The following SRR variants were observed in gnomAD, a reference collection of about 807,000 sequenced individuals.
SRR encodes D-serine ammonia-lyase.
In SRR, 19 loss-of-function variants were observed where a neutral mutation model predicts 32.7. That is an observed-to-expected ratio of 0.58 (90% CI 0.40 to 0.85). SRR has a LOEUF of 0.85. Ranked by LOEUF, SRR falls within the 40% of genes least tolerant of loss-of-function variation. The pLI is 0.00. For synonymous variants in SRR, 142 were observed against 140.9 expected (o/e 1.01, Z -0.06); for missense variants, 373 against 404.7 (o/e 0.92, Z 0.67).
chr17:2,303,928 GT>G, upstream of SRR: 2 of 423,262 alleles, frequency 4.7e-6, no homozygotes, highest in East Asian at 4.4e-5. Context: ...GAGAGCCTGG[GT>G]GGGGCGGGCG....
At chr17:2,319,285 T>G (rs2075504470) in intron 4 of SRR, among the ~76,000 whole-genome samples, 1 of 152,224 alleles carries the variant, frequency 6.6e-6, no homozygotes, top group South Asian at 2.1e-4. Flanking sequence ...CTCATCTTAG[T>G]AAATGGCAAT....
At chr17:2,304,463 G>A (rs1348890726) in intron 1 of SRR, among the ~76,000 whole-genome samples, 4 of 149,460 alleles carry the variant, frequency 2.7e-5, no homozygotes, top group Non-Finnish European at 4.4e-5. Context: ...GGCTGGTCTC[G>A]AACTCCTGAC....
At chr17:2,318,061 A>G in intron 3 of SRR, 65 bp downstream of exon 3, 1 of 1,482,266 alleles carries the variant, frequency 6.7e-7, no homozygotes. Flanking sequence ...CCTTAATTTC[A>G]GTGAGAGTGA....
intron 1 of SRR, among the ~76,000 whole-genome samples, chr17:2,310,876 A>G (rs1442331739): frequency 1.3e-5 from 2 of 152,048 alleles, no homozygotes; most frequent in Non-Finnish European, 2.9e-5. Context: ...CCTCCCGAGT[A>G]GCTGGGACTA....
intron 4 of SRR, among the ~76,000 whole-genome samples, chr17:2,321,101 G>C (rs1173471248): frequency 6.6e-6 from 1 of 152,114 alleles, no homozygotes; most frequent in African/African-American, 2.4e-5. Flanking sequence ...ATTGCACTTA[G>C]ACATACCATA....
chr17:2,311,371 C>T (rs1405097494), intron 1 of SRR, among the ~76,000 whole-genome samples: 1 of 151,996 alleles, frequency 6.6e-6, no homozygotes, highest in African/African-American at 2.4e-5. Flanking sequence ...CATGGTGGCT[C>T]ACGCCTGTAA....
chr17:2,316,674 C>T (rs761210794), intron 2 of SRR, among the ~76,000 whole-genome samples: 42 of 151,752 alleles, frequency 2.8e-4, no homozygotes, highest in Middle Eastern at 3.4e-3. Flanking sequence ...GTCAGGAGTT[C>T]GACACCAGCC....
upstream of SRR, chr17:2,303,693 T>C (rs1377117722): frequency 6.7e-7 from 1 of 1,496,772 alleles, no homozygotes; most frequent in Admixed American, 2.2e-5. Context: ...GACGCGGAGA[T>C]CCGCACACGC....
At chr17:2,313,318 T>A (rs1480644783) in intron 1 of SRR, among the ~76,000 whole-genome samples, 9 of 140,686 alleles carry the variant, frequency 6.4e-5, no homozygotes, top group African/African-American at 2.1e-4. Flanking sequence ...TAATCCCAGC[T>A]ACTAGGGAGG....
Position 2,309,330 on chromosome 17 carries a change from A to G in SRR, c.-5+5313A>G, listed in dbSNP as rs151119408. On this transcript the variant is annotated intron_variant, in intron 1 of 7. Coordinates refer to ENST00000344595, the MANE Select transcript of SRR (RefSeq NM_021947.3). ...ATCAGGATATGTCTCTTCTGTTCCTATAATGAACATGTATGGAATCATCTC... is the reference window on the plus strand; with the variant it reads ...ATCAGGATATGTCTCTTCTGTTCCTGTAATGAACATGTATGGAATCATCTC... 7.8e-4 allele frequency among the ~76,000 whole-genome samples: 119 copies of G among 152,282 alleles called. No homozygotes were observed. The East Asian group carries it at 0.021, about 27-fold the overall frequency.
intron 1 of SRR, chr17:2,307,668 T>C (rs565421113): frequency 3.0e-5 from 29 of 980,516 alleles, no homozygotes; most frequent in Non-Finnish European, 4.7e-5. Flanking sequence ...CCAAGGTGGC[T>C]ATGGCGGTTC....
At chr17:2,304,264 T>TCTGA (rs1555579096) in intron 1 of SRR, among the ~76,000 whole-genome samples, 1 of 149,938 alleles carries the variant, frequency 6.7e-6, no homozygotes, top group African/African-American at 2.5e-5. Context: ...CTTTTTTTTT[T>TCTGA]AGTTGGAGTC....
At chr17:2,303,604 C>T (rs1049712459), upstream of SRR, 2 of 1,414,452 alleles carry the variant, frequency 1.4e-6, no homozygotes, top group African/African-American at 1.5e-5. Flanking sequence ...CGGGCAGGCC[C>T]GGCCCAGGAG....
upstream of SRR, chr17:2,303,746 G>A (rs751523769): frequency 6.7e-7 from 1 of 1,482,852 alleles, no homozygotes; most frequent in South Asian, 1.3e-5. Flanking sequence ...TACAGCCGTA[G>A]CGGCTCCGCC....
Position 2,321,613 on chromosome 17 carries a change from T to G in SRR, c.591T>G (p.Val197=), listed in dbSNP as rs1326124560. 6.2e-7 allele frequency: 1 copy of G among 1,613,732 alleles called. No individual in the cohort carries two copies. The highest frequency in any genetic ancestry group is 8.5e-7 in the Non-Finnish European group (1 of 1,179,934). Residue 197 remains valine (V), a synonymous_variant, in exon 6 of 8, where the codon GTT becomes GTG. Coordinates refer to ENST00000344595, the MANE Select transcript of SRR (RefSeq NM_021947.3). The stretch of plus-strand genomic sequence containing the variant: ...TGCTTGCTGGAATAGCAATTACAGT[T>G]AAGGTGAGCAGCTTCTGGAGGATTC... ...GGMLAGIAIT[V]KALKPSVKVY...
At chr17:2,314,640 C>A (rs2075457621) in intron 1 of SRR, among the ~76,000 whole-genome samples, 1 of 149,980 alleles carries the variant, frequency 6.7e-6, no homozygotes, top group Admixed American at 6.6e-5. Flanking sequence ...GTAATCTCAG[C>A]TACTCGGGAG....
At chr17:2,316,794 G>C (rs1023931212) in intron 2 of SRR, among the ~76,000 whole-genome samples, 1 of 151,758 alleles carries the variant, frequency 6.6e-6, no homozygotes, top group Non-Finnish European at 1.5e-5. Flanking sequence ...CTCACTGTAA[G>C]CTCCACCTCC....
chr17:2,324,142 T>C lies in SRR; in HGVS notation c.*269T>C. 1 of 1,507,578 alleles carries C rather than the reference T, an allele frequency of 6.6e-7. No individual in the cohort carries two copies. Among genetic ancestry groups the C allele is most frequent in the South Asian group, 1.4e-5 (1 of 71,346 alleles). 93.4% of individuals were successfully genotyped at this position (1,507,578 alleles called of 1,614,324 possible). ...ACTTTGCCCAATCACAACTTGTGCC[T>C]CCCATCCCTGGAGTACTGACTGGCA... On this transcript the variant is annotated 3_prime_UTR_variant, in exon 8 of 8. Transcript: ENST00000344595.
At chr17:2,310,338 T>A (rs2075424559) in intron 1 of SRR, among the ~76,000 whole-genome samples, 1 of 152,150 alleles carries the variant, frequency 6.6e-6, no homozygotes, top group South Asian at 2.1e-4. Flanking sequence ...CCATACTGTT[T>A]ACTGTAGAAT....
Sources: allele counts gnomAD v4.1 joint callset (sites outside exome capture counted in the v4.1 genomes callset), GRCh38; gene constraint gnomAD v4.1.1; transcripts MANE v1.5; gene names NCBI Gene and HGNC (gene_info 2026-07-23, HGNC 2026-07-21).